Variants in TRAPPC8 observed in about 807,000 individuals in gnomAD.
TRAPPC8 encodes the protein general sporulation gene 1 homolog.
A neutral mutation model predicts 174.3 loss-of-function variants in TRAPPC8; 54 were observed. The observed-to-expected ratio is 0.31, with a 90% CI of 0.25 to 0.39. The LOEUF (loss-of-function observed/expected upper bound fraction) is 0.39, where lower values mean the gene tolerates loss of function less well. TRAPPC8 is among the 10% of genes least tolerant of loss of function. The pLI is 1.00. For missense variants in TRAPPC8, 1,531 were observed against 1,699.1 expected (o/e 0.90, Z 1.74); for synonymous variants, 630 against 579.9 (o/e 1.09, Z -1.24).
At chr18:31,893,949 AAGAATATCCCCTG>A (rs768203531) in intron 11 of TRAPPC8, among the ~76,000 whole-genome samples, 4 of 152,208 alleles carry the variant, frequency 2.6e-5, no homozygotes, top group Non-Finnish European at 4.4e-5. Context: ...CTCATAAGCT[AAGAATATCCCCTG>A]AGAATATTTA....
At chr18:31,921,694 A>T (rs2037395474) in intron 2 of TRAPPC8, among the ~76,000 whole-genome samples, 1 of 152,100 alleles carries the variant, frequency 6.6e-6, no homozygotes, top group Admixed American at 6.5e-5. Context: ...TGTCAACCTC[A>T]GAGCTTTCTG....
intron 19 of TRAPPC8, among the ~76,000 whole-genome samples, chr18:31,862,403 T>C (rs2034375006): frequency 6.6e-6 from 1 of 151,998 alleles, no homozygotes; most frequent in Non-Finnish European, 1.5e-5. Flanking sequence ...GGAAATATTA[T>C]CAAACAGAGT....
chr18:31,835,323 C>T (rs1298950316), intron 27 of TRAPPC8, among the ~76,000 whole-genome samples: 1 of 152,194 alleles, frequency 6.6e-6, no homozygotes, highest in Admixed American at 6.5e-5. Context: ...CTCCTCTGTA[C>T]TATCTATTGG....
intron 1 of TRAPPC8, among the ~76,000 whole-genome samples, chr18:31,938,081 T>TA (rs1351379702): frequency 6.6e-6 from 1 of 152,200 alleles, no homozygotes; most frequent in Non-Finnish European, 1.5e-5. Context: ...AGTGTTTAAG[T>TA]GAAATTTTCT....
intron 27 of TRAPPC8, among the ~76,000 whole-genome samples, chr18:31,833,769 C>T (rs2032522323): frequency 6.6e-6 from 1 of 151,928 alleles, no homozygotes. Flanking sequence ...TTTGGGAGAC[C>T]GAGGCGGGCG....
chr18:31,846,602 A>C, intron 26 of TRAPPC8, 114 bp downstream of exon 26: 1 of 833,972 alleles, frequency 1.2e-6, no homozygotes, highest in Non-Finnish European at 1.9e-6. Flanking sequence ...AAACCAAAAA[A>C]CAAAACCTGA....
intron 11 of TRAPPC8, among the ~76,000 whole-genome samples, chr18:31,891,650 T>G (rs2035958776): frequency 6.6e-6 from 1 of 152,186 alleles, no homozygotes; most frequent in African/African-American, 2.4e-5. Context: ...CAACAACATT[T>G]TCACCAAAAC....
chr18:31,838,403 A>G (rs980902194), intron 27 of TRAPPC8, among the ~76,000 whole-genome samples: 1 of 152,194 alleles, frequency 6.6e-6, no homozygotes, highest in Non-Finnish European at 1.5e-5. Flanking sequence ...TCTTCAGTGC[A>G]TGTATCTTAT....
At chr18:31,849,868 A>C in intron 24 of TRAPPC8, 129 bp from the exon 25 acceptor site, 1 of 747,636 alleles carries the variant, frequency 1.3e-6, no homozygotes, top group South Asian at 2.8e-5. Flanking sequence ...TACATACCCA[A>C]AATACTTATT....
chr18:31,900,035 C>T (rs934611970), intron 10 of TRAPPC8, among the ~76,000 whole-genome samples: 1 of 151,232 alleles, frequency 6.6e-6, no homozygotes, highest in Non-Finnish European at 1.5e-5. Flanking sequence ...GTCAAGCATT[C>T]GAGACCAGCC....
In TRAPPC8 at chr18:31,935,120, G is replaced by C. The variant is rs1054340969; in HGVS notation, c.158-3597C>G. On this transcript the variant is annotated intron_variant, in intron 1 of 28. Coordinates refer to ENST00000283351, the MANE Select transcript of TRAPPC8 (RefSeq NM_014939.5). The stretch of plus-strand genomic sequence containing the variant: ...AACACTTTGAGAGGCCTTGGCGGGC[G>C]GATCACCTGAGGTTGGGAGTTCAAA... 5.3e-5 allele frequency among the ~76,000 whole-genome samples: 8 copies of C among 151,532 alleles called. No homozygotes were observed. In the East Asian group the frequency reaches 1.6e-3, roughly 30 times the overall value.
intron 12 of TRAPPC8, among the ~76,000 whole-genome samples, chr18:31,879,754 AATAAG>A (rs2035326715): frequency 6.6e-6 from 1 of 152,018 alleles, no homozygotes. Flanking sequence ...AGATGATTTT[AATAAG>A]CACAATCAGA....
At position 31,829,943 on chromosome 18, in the gene TRAPPC8, A is replaced by G. The variant is rs559027999; in HGVS notation, c.*812T>C. The G allele has an allele frequency of 2.0e-5, 3 of 152,796 alleles. No homozygotes were observed. Among genetic ancestry groups the G allele is most frequent in the African/African-American group, 7.2e-5 (3 of 41,586 alleles). The allele number at this position is 152,796 out of a possible 1,614,324, so 9.5% of individuals were successfully genotyped here. ...ATCAACAGATACTAATACGCTATAC[A>G]GTGAATAGCATGTCTTTATTCTATT... On this transcript the variant is annotated 3_prime_UTR_variant, in exon 29 of 29. Transcript: ENST00000283351.
chr18:31,838,131 G>A (rs367947612), intron 27 of TRAPPC8, among the ~76,000 whole-genome samples: 397 of 152,150 alleles, frequency 2.6e-3, no homozygotes, highest in Non-Finnish European at 4.4e-3. Flanking sequence ...CACCATGCCC[G>A]GCTCTAAGTT....
In TRAPPC8 at chr18:31,851,914, G is replaced by A. The variant is rs551173698; in HGVS notation, c.3561+532C>T. Among the ~76,000 whole-genome samples, 7 of 152,094 alleles carry A rather than the reference G, an allele frequency of 4.6e-5. No individual in the cohort carries two copies. In the Middle Eastern group the frequency reaches 0.01, roughly 222 times the overall value. ...CCCAAGAACTATACTTACTTCATAC[G>A]ATAGTCTCAAAAGAAAGTTAATTTT... On this transcript the variant is annotated intron_variant, in intron 24 of 28. Transcript: ENST00000283351.
chr18:31,856,292 AT>A (rs2034007204), intron 20 of TRAPPC8, among the ~76,000 whole-genome samples: 2 of 152,048 alleles, frequency 1.3e-5, no homozygotes, highest in Non-Finnish European at 2.9e-5. Context: ...TTTAGTAGAG[AT>A]GGGGTTTCGC....
intron 2 of TRAPPC8, among the ~76,000 whole-genome samples, chr18:31,928,354 C>G (rs1197902041): frequency 6.6e-6 from 1 of 150,816 alleles, no homozygotes; most frequent in African/African-American, 2.4e-5. Context: ...CACACACACA[C>G]ACACACACAC....
chr18:31,864,544 A>C, intron 19 of TRAPPC8, 83 bp downstream of exon 19: 1 of 1,369,722 alleles, frequency 7.3e-7, no homozygotes, highest in African/African-American at 1.5e-5. Flanking sequence ...AATATCAAAA[A>C]CCTCAGAGCC....
intron 11 of TRAPPC8, among the ~76,000 whole-genome samples, chr18:31,893,312 A>G (rs887549115): frequency 1.6e-4 from 24 of 152,256 alleles, no homozygotes; most frequent in African/African-American, 5.3e-4. Flanking sequence ...TCAAGATATT[A>G]CATCAAACTA....
Sources: gnomAD v4.1 joint callset for allele counts (sites outside exome capture counted in the v4.1 genomes callset) on GRCh38, gnomAD v4.1.1 for gene constraint, MANE v1.5 for transcripts, NCBI Gene and HGNC (gene_info 2026-07-23, HGNC 2026-07-21) for gene names.